SUCO: variants seen among roughly 807,000 people sequenced by gnomAD.
SUCO encodes the protein SUN domain-containing ossification factor.
SUCO carries 57 observed loss-of-function variants against 148.1 expected under a neutral mutation model. The observed-to-expected ratio is 0.38, with a 90% CI of 0.31 to 0.48. The LOEUF is 0.48. Ranked by LOEUF, SUCO falls within the 20% of genes least tolerant of loss-of-function variation. The pLI is 0.96. For synonymous variants in SUCO, 470 were observed against 502.7 expected (o/e 0.93, Z 0.87); for missense variants, 1,331 against 1,468.2 (o/e 0.91, Z 1.53).
rs566223311 is a variant in SUCO, at chr1:172,554,362, C to T, written c.288+992C>T. On this transcript the variant is annotated intron_variant, in intron 3 of 23. Transcript: ENST00000263688. ...CCGAGTGCTTACCATGTCTTGTATA[C>T]CTATGTTGTTCATTACAGTAGCCAC... 5.3e-5 allele frequency among the ~76,000 whole-genome samples: 8 copies of T among 152,222 alleles called. No homozygotes were observed. The South Asian group carries it at 1.4e-3, about 28-fold the overall frequency.
intron 1 of SUCO, among the ~76,000 whole-genome samples, chr1:172,546,546 G>C (rs979610875): frequency 6.6e-6 from 1 of 152,160 alleles, no homozygotes; most frequent in East Asian, 1.9e-4. Flanking sequence ...GCAGGCTTCA[G>C]AGTCAAAAAA....
chr1:172,586,018 G>T, intron 17 of SUCO, 70 bp downstream of exon 17: 1 of 1,002,732 alleles, frequency 1.0e-6, no homozygotes, highest in South Asian at 1.8e-5. Context: ...TATAAAAAAA[G>T]GAATTTGTGA....
chr1:172,564,542 A>G (rs1448931197), intron 6 of SUCO, among the ~76,000 whole-genome samples: 2 of 151,694 alleles, frequency 1.3e-5, no homozygotes, highest in African/African-American at 4.8e-5. Flanking sequence ...CATGATTGTA[A>G]GTTTCCTGAG....
In SUCO at chr1:172,589,047, G is replaced by A. The variant is rs199510939; in HGVS notation, c.1946G>A (p.Arg649Gln). 213 of 1,613,596 alleles carry A rather than the reference G, an allele frequency of 1.3e-4. No homozygotes were observed. Among genetic ancestry groups the A allele is most frequent in the Non-Finnish European group, 1.3e-4 (158 of 1,179,800 alleles). Residue 649 changes from arginine (R) to glutamine (Q), a missense_variant, in exon 18 of 24, where the codon CGA becomes CAA. Physicochemically the swap from Arg to Gln is conservative, Grantham distance 43. Around this residue, in one of 3 missense-constraint regions of SUCO, gnomAD observed 992 missense variants for 1,093.5 expected, o/e 0.91. Transcript: ENST00000263688. ...GTTGCTCTTTATCGGCAGCGCAGCC[G>A]AACTGCTTTGAGTAAAGGAAAAGAT... is the stretch of plus-strand genomic sequence containing the variant. ...VRVALYRQRS[R>Q]TALSKGKDYL...
intron 6 of SUCO, among the ~76,000 whole-genome samples, chr1:172,564,879 G>A (rs979055667): frequency 6.6e-6 from 1 of 151,722 alleles, no homozygotes; most frequent in African/African-American, 2.4e-5. Context: ...TTCCCTTTTA[G>A]TAACTTCCAA....
At chr1:172,599,935 C>G in intron 19 of SUCO, 129 bp from the exon 20 acceptor site, 1 of 626,768 alleles carries the variant, frequency 1.6e-6, no homozygotes, top group Non-Finnish European at 2.7e-6. Flanking sequence ...TTTACTTACT[C>G]ATTGAGATTC....
intron 22 of SUCO, among the ~76,000 whole-genome samples, chr1:172,604,623 A>C (rs1235354110): frequency 6.6e-6 from 1 of 151,804 alleles, no homozygotes; most frequent in East Asian, 1.9e-4. Context: ...GATCTTCCGA[A>C]TGTTTTCGTC....
intron 22 of SUCO, among the ~76,000 whole-genome samples, chr1:172,604,660 A>G (rs1487325328): frequency 2.0e-5 from 3 of 151,770 alleles, no homozygotes; most frequent in Admixed American, 2.0e-4. Flanking sequence ...TGTGTCCATT[A>G]ACCAATTCCC....
intron 16 of SUCO, 33 bp from the exon 17 acceptor site, chr1:172,585,825 T>C: frequency 7.1e-7 from 1 of 1,405,610 alleles, no homozygotes; most frequent in Non-Finnish European, 9.8e-7. Context: ...CTTTTAAAAT[T>C]GAACTCAACA....
At chr1:172,579,822 T>G (rs1026641647) in intron 15 of SUCO, among the ~76,000 whole-genome samples, 37 of 152,274 alleles carry the variant, frequency 2.4e-4, no homozygotes, top group African/African-American at 8.9e-4. Context: ...TGACTGACAC[T>G]TTATTTTTCA....
chr1:172,535,914 C>G (rs891642306), intron 1 of SUCO, among the ~76,000 whole-genome samples: 2 of 152,100 alleles, frequency 1.3e-5, no homozygotes, highest in East Asian at 3.8e-4. Context: ...TACAGAAAAA[C>G]CATTTCATCT....
At chr1:172,571,253 G>A (rs961507318) in intron 9 of SUCO, among the ~76,000 whole-genome samples, 4 of 152,218 alleles carry the variant, frequency 2.6e-5, no homozygotes, top group Non-Finnish European at 4.4e-5. Flanking sequence ...TGGAGACGGG[G>A]TTTCGCTGTG....
chr1:172,559,578 G>C (rs1653990517), intron 6 of SUCO, among the ~76,000 whole-genome samples: 1 of 152,174 alleles, frequency 6.6e-6, no homozygotes, highest in Admixed American at 6.5e-5. Flanking sequence ...GCTCTTTGTG[G>C]AGTAGGGCTA....
intron 17 of SUCO, chr1:172,588,182 TTG>T: frequency 1.0e-6 from 1 of 985,180 alleles, no homozygotes; most frequent in Admixed American, 6.2e-5. Context: ...TGTGTGTGCG[TTG>T]TGTGTTTAAT....
At chr1:172,539,564 A>C (rs1652286210) in intron 1 of SUCO, among the ~76,000 whole-genome samples, 2 of 152,168 alleles carry the variant, frequency 1.3e-5, no homozygotes, top group African/African-American at 4.8e-5. Context: ...TATATTTTAC[A>C]TGAAAGTGAC....
intron 18 of SUCO, 74 bp from the exon 19 acceptor site, chr1:172,590,910 C>T (rs1390530535): frequency 1.1e-5 from 11 of 1,036,528 alleles, no homozygotes; most frequent in Non-Finnish European, 1.6e-5. Flanking sequence ...ATATCAAAAT[C>T]AGAAGTATGT....
rs1280121022 is a variant in SUCO, at chr1:172,577,411, G to A, written c.1264-128G>A. ...TGCAAGGAATTAAGAATACTACAGT[G>A]TTATCCATCACATGACATTACTCTC... is the stretch of plus-strand genomic sequence containing the variant. On this transcript the variant is annotated intron_variant, in intron 11 of 23. Transcript: ENST00000263688. 9 of 883,678 alleles carry A rather than the reference G, an allele frequency of 1.0e-5. 1 individual carries two copies. Among genetic ancestry groups the A allele is most frequent in the Admixed American group, 5.5e-5 (2 of 36,092 alleles). The allele number at this position is 883,678 out of a possible 1,614,324, so 54.7% of individuals were successfully genotyped here.
At chr1:172,598,011 C>T (rs139590991) in intron 19 of SUCO, among the ~76,000 whole-genome samples, 8 of 152,254 alleles carry the variant, frequency 5.3e-5, no homozygotes, top group East Asian at 1.9e-4. Context: ...ATTTGCCTAA[C>T]GCAAAATCAC....
At chr1:172,608,858 A>G (rs936738888) in intron 23 of SUCO, 56 bp downstream of exon 23, 6 of 1,223,118 alleles carry the variant, frequency 4.9e-6, no homozygotes, top group African/African-American at 3.1e-5. Flanking sequence ...ATAAATGAAG[A>G]AAAGAGGTTG....
Sources: allele counts gnomAD v4.1 joint callset (sites outside exome capture counted in the v4.1 genomes callset), GRCh38; gene constraint gnomAD v4.1.1; regional missense constraint gnomAD v4.1.1; transcripts MANE v1.5; gene names NCBI Gene and HGNC (gene_info 2026-07-23, HGNC 2026-07-21).